Variants in PARP6 observed in about 807,000 individuals in gnomAD.
PARP6 encodes poly(ADP-ribose) polymerase family member 6.
A neutral mutation model predicts 92.0 loss-of-function variants in PARP6; 27 were observed. The ratio of observed to expected loss-of-function variants is 0.29; its 90% CI spans 0.22 to 0.40. The LOEUF (loss-of-function observed/expected upper bound fraction) is 0.40, where lower values mean the gene tolerates loss of function less well. Among genes scored for constraint, PARP6 ranks in the 10% least tolerant of loss-of-function variants. PARP6 has a pLI of 1.00. For missense variants in PARP6, 501 were observed against 784.5 expected (o/e 0.64, Z 4.32); for synonymous variants, 272 against 281.2 (o/e 0.97, Z 0.33).
At chr15:72,259,891 A>G (rs1373237866) in intron 10 of PARP6, among the ~76,000 whole-genome samples, 2 of 152,256 alleles carry the variant, frequency 1.3e-5, no homozygotes, top group Non-Finnish European at 2.9e-5. Flanking sequence ...CAGCAGCTAC[A>G]GTTAACTACA....
intron 3 of PARP6, chr15:72,267,161 G>T: frequency 1.9e-6 from 1 of 526,418 alleles, no homozygotes; most frequent in Non-Finnish European, 3.4e-6. Context: ...AAGCATATCT[G>T]GGTTCCAGTA....
In PARP6 at chr15:72,267,499, C is replaced by G; in HGVS notation, c.-22G>C. On this transcript the variant is annotated 5_prime_UTR_variant, in exon 3 of 24. Coordinates refer to ENST00000569795, the MANE Select transcript of PARP6 (RefSeq NM_001323532.2). ...CCATTGGGTCAGTGGGTCACACACACTCTCAGGTCAGTGCTAGGCAGCACC... is the reference window on the plus strand; with the variant it reads ...CCATTGGGTCAGTGGGTCACACACAGTCTCAGGTCAGTGCTAGGCAGCACC... The G allele has an allele frequency of 1.2e-6, 2 of 1,613,926 alleles. No homozygotes were observed. The highest frequency in any genetic ancestry group is 1.7e-6 in the Non-Finnish European group (2 of 1,179,850).
At chr15:72,247,208 T>C (rs1367604082) in intron 20 of PARP6, among the ~76,000 whole-genome samples, 2 of 152,198 alleles carry the variant, frequency 1.3e-5, no homozygotes, top group Non-Finnish European at 2.9e-5. Flanking sequence ...AGGGTCTCGC[T>C]CTACTGCCCA....
intron 20 of PARP6, among the ~76,000 whole-genome samples, chr15:72,247,613 G>A (rs1294670001): frequency 6.6e-6 from 1 of 151,906 alleles, no homozygotes; most frequent in Non-Finnish European, 1.5e-5. Flanking sequence ...AAACCATCTG[G>A]GCTTGGTGAG....
At chr15:72,259,703 A>T (rs1419547530) in intron 10 of PARP6, 42 bp from the exon 11 acceptor site, 1 of 1,579,750 alleles carries the variant, frequency 6.3e-7, no homozygotes, top group East Asian at 2.2e-5. Flanking sequence ...CCTCCTATGA[A>T]GCTGGGGCCT....
chr15:72,260,714 G>A (rs2085758252), intron 9 of PARP6, 26 bp from the exon 10 acceptor site: 2 of 1,556,634 alleles, frequency 1.3e-6, no homozygotes, highest in African/African-American at 2.7e-5. Flanking sequence ...AAAGAGAAGT[G>A]ATAAAACTGG....
chr15:72,242,234 A>C lies in PARP6; in HGVS notation c.1642-14T>G. 1 of 1,612,452 alleles carries C rather than the reference A, an allele frequency of 6.2e-7. No homozygotes were observed. Among genetic ancestry groups the C allele is most frequent in the Non-Finnish European group, 8.5e-7 (1 of 1,178,484 alleles). On this transcript the variant is annotated splice_polypyrimidine_tract_variant and intron_variant, in intron 21 of 23. Coordinates refer to ENST00000569795, the MANE Select transcript of PARP6 (RefSeq NM_001323532.2). The surrounding 1 kb of genome is among the most constrained non-coding windows in gnomAD (Gnocchi z 4.3). ...AATGGATCGGGTCTGGAAGAGAAGG[A>C]GGCAAAGGAGACCAGAGCCAGGTAG...
intron 16 of PARP6, among the ~76,000 whole-genome samples, chr15:72,251,656 C>G (rs1469467954): frequency 1.3e-5 from 2 of 152,192 alleles, no homozygotes; most frequent in Non-Finnish European, 2.9e-5. Flanking sequence ...GGGATTTAGA[C>G]TCAGATTCAG....
intron 20 of PARP6, among the ~76,000 whole-genome samples, chr15:72,247,517 T>C (rs981832344): frequency 1.3e-5 from 2 of 152,172 alleles, no homozygotes; most frequent in African/African-American, 4.8e-5. Flanking sequence ...TCTTTTATGA[T>C]TTGTAATTCC....
rs714808 is a variant in PARP6, at chr15:72,251,055, C to T, written c.1309-101G>A. 4.9e-3 allele frequency: 4,948 copies of T among 1,012,782 alleles called. 166 individuals are homozygous for T. The African/African-American group carries it at 0.069, about 14-fold the overall frequency. The allele number at this position is 1,012,782 out of a possible 1,614,324, so 62.7% of individuals were successfully genotyped here. ...GGGAAAAAATCAGGCTTGCATTAAC[C>T]CCACACAAGGGAAATATGCTAAGGC... On this transcript the variant is annotated intron_variant, in intron 17 of 23. Coordinates refer to ENST00000569795, the MANE Select transcript of PARP6 (RefSeq NM_001323532.2).
chr15:72,254,345 T>C (rs74326570), intron 15 of PARP6, 110 bp downstream of exon 15: 18 of 733,234 alleles, frequency 2.5e-5, no homozygotes, highest in Admixed American at 2.7e-5. Flanking sequence ...AAAAAAAAAA[T>C]ACAGTGCGTA....
At chr15:72,249,203 G>T in intron 20 of PARP6, 42 bp downstream of exon 20, 2 of 1,106,588 alleles carry the variant, frequency 1.8e-6, no homozygotes, top group Non-Finnish European at 1.4e-6. Context: ...ACAAATGGAG[G>T]CAATGTAAAT....
chr15:72,257,924 CA>C, intron 12 of PARP6, 112 bp downstream of exon 12: 1 of 762,440 alleles, frequency 1.3e-6, no homozygotes, highest in Non-Finnish European at 2.4e-6. Context: ...TCTAGAGTAT[CA>C]GGGTGTACAG....
intron 20 of PARP6, chr15:72,245,846 G>A (rs768946678): frequency 6.6e-6 from 1 of 152,118 alleles, no homozygotes; most frequent in Non-Finnish European, 1.5e-5. Context: ...CAAAGGCCAG[G>A]GGGAGAAAAG....
At chr15:72,246,730 T>C (rs1471076166) in intron 20 of PARP6, among the ~76,000 whole-genome samples, 1 of 151,560 alleles carries the variant, frequency 6.6e-6, no homozygotes, top group Non-Finnish European at 1.5e-5. Context: ...CTTCTGGGAC[T>C]TCCCTCTTCT....
chr15:72,249,101 G>C lies in PARP6; in HGVS notation c.1561+144C>G, dbSNP rs1253339092. 27 of 443,844 alleles carry C rather than the reference G, an allele frequency of 6.1e-5. No homozygotes were observed. The Admixed American group carries it at 1.0e-3, about 17-fold the overall frequency. The allele number at this position is 443,844 out of a possible 1,614,324, so 27.5% of individuals were successfully genotyped here. A position where few individuals can be genotyped will look rare whatever the true frequency, so the allele number is the denominator to read the frequency against. ...AATTTCTAATAAGAAAATGTAGAGAGAGAGAGAATATGTATCCATGATCGG... is the reference window on the plus strand; with the variant it reads ...AATTTCTAATAAGAAAATGTAGAGACAGAGAGAATATGTATCCATGATCGG... On this transcript the variant is annotated intron_variant, in intron 20 of 23. Transcript: ENST00000569795.
intron 20 of PARP6, among the ~76,000 whole-genome samples, chr15:72,246,030 C>T (rs1384891571): frequency 6.6e-6 from 1 of 152,172 alleles, no homozygotes; most frequent in Non-Finnish European, 1.5e-5. Flanking sequence ...CTATTCCAAC[C>T]CTAACCCCAC....
At chr15:72,269,132 G>A (rs1375389812) in intron 2 of PARP6, among the ~76,000 whole-genome samples, 2 of 152,164 alleles carry the variant, frequency 1.3e-5, no homozygotes, top group African/African-American at 4.8e-5. Context: ...AAACAGAGGT[G>A]TTCTTGGTCT....
chr15:72,254,248 G>C (rs1315830312), intron 15 of PARP6, among the ~76,000 whole-genome samples: 2 of 152,080 alleles, frequency 1.3e-5, no homozygotes, highest in African/African-American at 4.8e-5. Flanking sequence ...GGTAAAGATT[G>C]AGACACAAAG....
Sources: allele counts gnomAD v4.1 joint callset (sites outside exome capture counted in the v4.1 genomes callset), GRCh38; gene constraint gnomAD v4.1.1; non-coding constraint Gnocchi (gnomAD v3.1); transcripts MANE v1.5; gene names NCBI Gene and HGNC (gene_info 2026-07-23, HGNC 2026-07-21).